The following SLC5A2 variants were observed in gnomAD, a reference collection of about 807,000 sequenced individuals.
The protein encoded by SLC5A2 is sodium/glucose cotransporter 2.
A neutral mutation model predicts 69.0 loss-of-function variants in SLC5A2; 67 were observed. The ratio of observed to expected loss-of-function variants is 0.97; its 90% CI spans 0.80 to 1.19. The LOEUF is 1.19. Ranked by LOEUF, SLC5A2 falls within the 50% of genes most tolerant of loss-of-function variation. SLC5A2 has a pLI of 0.00. For missense variants in SLC5A2, 1,001 were observed against 921.5 expected (o/e 1.09, Z -1.12); for synonymous variants, 455 against 395.8 (o/e 1.15, Z -1.78).
chr16:31,489,126 G>A lies in SLC5A2; in HGVS notation c.1453G>A (p.Ala485Thr). ...GGCTGACCTGTTTCCTTCGCAGGGC[G>A]CCTTCTGGGGACTCATCGGGGGCCT... is the stretch of plus-strand genomic sequence containing the variant. ...LFVPRVNEQG[A>T]FWGLIGGLLM... Residue 485 changes from alanine (A) to threonine (T), a missense_variant, in exon 12 of 14, where the codon GCC becomes ACC. Coordinates refer to ENST00000330498, the MANE Select transcript of SLC5A2 (RefSeq NM_003041.4). 1 of 1,608,076 alleles carries A rather than the reference G, an allele frequency of 6.2e-7. No homozygotes were observed. The highest frequency in any genetic ancestry group is 8.5e-7 in the Non-Finnish European group (1 of 1,179,964).
chr16:31,489,555 A>G (rs2082541085), intron 12 of SLC5A2: 1 of 604,014 alleles, frequency 1.7e-6, no homozygotes, highest in African/African-American at 1.8e-5. Flanking sequence ...TTGGTGATTA[A>G]AGCCTCCCAA....
chr16:31,484,780 G>T lies in SLC5A2; in HGVS notation c.198+36G>T, dbSNP rs533867632. The T allele has an allele frequency of 5.0e-6, 8 of 1,611,402 alleles. No individual in the cohort carries two copies. The South Asian group carries it at 7.7e-5, about 15-fold the overall frequency. On this transcript the variant is annotated intron_variant, in intron 2 of 13. Transcript: ENST00000330498. ...CTGGGCCGGGAACGGGAGGGGCCTG[G>T]AGAAGCAGCCCTGCTCACTCCCTCC...
In SLC5A2 at chr16:31,486,222, T is replaced by C. The variant is rs1024798618; in HGVS notation, c.521T>C (p.Ile174Thr). Residue 174 changes from isoleucine (I) to threonine (T), a missense_variant, in exon 5 of 14, where the codon ATC becomes ACC. Physicochemically the swap from Ile to Thr is moderately conservative, Grantham distance 89. Coordinates refer to ENST00000330498, the MANE Select transcript of SLC5A2 (RefSeq NM_003041.4). ...ATCCAGCAGGCTCTGGGCTGGAACA[T>C]CTATGCCTCCGTCATCGCGCTTCTG... ...VFIQQALGWN[I>T]YASVIALLGI... 1 of 1,613,898 alleles carries C rather than the reference T, an allele frequency of 6.2e-7. No individual in the cohort carries two copies. The highest frequency in any genetic ancestry group is 8.5e-7 in the Non-Finnish European group (1 of 1,179,988).
chr16:31,489,885 G>T, intron 12 of SLC5A2: 1 of 599,648 alleles, frequency 1.7e-6, no homozygotes, highest in Admixed American at 2.5e-5. Flanking sequence ...GGGGGAGCAA[G>T]GCCAACGGCT....
In SLC5A2 at chr16:31,488,862, C is replaced by T. The variant is rs372262405; in HGVS notation, c.1281-18C>T. 2.1e-5 allele frequency: 34 copies of T among 1,603,674 alleles called. No homozygotes were observed. The African/African-American group carries it at 4.0e-4, about 19-fold the overall frequency. On this transcript the variant is annotated intron_variant, in intron 10 of 13. Transcript: ENST00000330498. ...GGGAGCCCAGGGTCCGGGTTCGATCCGACGGCCTCCGCCGCAGGCTCTGGG... is the reference window on the plus strand; with the variant it reads ...GGGAGCCCAGGGTCCGGGTTCGATCTGACGGCCTCCGCCGCAGGCTCTGGG...
chr16:31,483,862 C>T (rs2142613964), intron 1 of SLC5A2, among the ~76,000 whole-genome samples: 1 of 151,548 alleles, frequency 6.6e-6, no homozygotes, highest in Middle Eastern at 3.4e-3. Context: ...GCTGGGATTA[C>T]AGATGTGAGC....
At chr16:31,484,227 TACACACACAC>T (rs537221545) in intron 1 of SLC5A2, among the ~76,000 whole-genome samples, 7 of 139,748 alleles carry the variant, frequency 5.0e-5, no homozygotes, top group African/African-American at 1.4e-4. Flanking sequence ...TCTACTAAAA[TACACACACAC>T]ACACACACAC....
Position 31,488,419 on chromosome 16 carries a change from G to T in SLC5A2, c.1058G>T (p.Arg353Leu). ...TGCGTGGTGCCTGAGGTGTGCAGGC[G>T]CGTGTGCGGCACGGAGGTGGGCTGC... ...VACVVPEVCR[R>L]VCGTEVGCSN... is the part of the protein sequence containing the mutation. Residue 353 changes from arginine (R) to leucine (L), a missense_variant, in exon 9 of 14, where the codon CGC becomes CTC. Coordinates refer to ENST00000330498, the MANE Select transcript of SLC5A2 (RefSeq NM_003041.4). The T allele has an allele frequency of 6.2e-7, 1 of 1,611,750 alleles. No homozygotes were observed. Among genetic ancestry groups the T allele is most frequent in the Non-Finnish European group, 8.5e-7 (1 of 1,179,766 alleles).
intron 3 of SLC5A2, 144 bp from the exon 4 acceptor site, chr16:31,485,585 C>T (rs555591332): frequency 2.9e-5 from 28 of 964,582 alleles, no homozygotes; most frequent in Middle Eastern, 3.2e-4. Flanking sequence ...CCCAGGGCCC[C>T]GGGGCCATCA....
rs1401448646 is a variant in SLC5A2 at position 31,484,934 on chromosome 16, C to CT, written c.303+17dup. Reference sequence around the variant, plus strand: ...GGATTCGAGTGGAATGTGAGGCCCTCTTTTTTCCAATAACCCCACCCTCAG... The same window carrying CT: ...GGATTCGAGTGGAATGTGAGGCCCTCTTTTTTTCCAATAACCCCACCCTCAG... On this transcript the variant is annotated intron_variant, in intron 3 of 13. Coordinates refer to ENST00000330498, the MANE Select transcript of SLC5A2 (RefSeq NM_003041.4). 5.0e-6 allele frequency: 8 copies of CT among 1,611,380 alleles called. No homozygotes were observed. The highest frequency in any genetic ancestry group is 6.8e-6 in the Non-Finnish European group (8 of 1,177,860).
At chr16:31,488,350 C>T in intron 8 of SLC5A2, 33 bp from the exon 9 acceptor site, 4 of 1,607,538 alleles carry the variant, frequency 2.5e-6, no homozygotes, top group Middle Eastern at 1.7e-4. Context: ...GACCAGGCCC[C>T]GTCCTAACGG....
In SLC5A2 at chr16:31,490,233, A is replaced by G; in HGVS notation, c.1792+3A>G. 1 of 1,614,140 alleles carries G rather than the reference A, an allele frequency of 6.2e-7. No homozygotes were observed. The highest frequency in any genetic ancestry group is 8.5e-7 in the Non-Finnish European group (1 of 1,180,004). Reference sequence around the variant, plus strand: ...AGAGAGTGCCATGGAGATGAATGGTAGGGCACCATGCTGGGAGGTGGGGCT... The same window carrying G: ...AGAGAGTGCCATGGAGATGAATGGTGGGGCACCATGCTGGGAGGTGGGGCT... On this transcript the variant is annotated splice_donor_region_variant and intron_variant, in intron 13 of 13. Transcript: ENST00000330498.
In SLC5A2 at chr16:31,489,276, T is replaced by G. The variant is rs199521654; in HGVS notation, c.1603T>G (p.Phe535Val). 6.5e-5 allele frequency: 104 copies of G among 1,610,930 alleles called. No individual in the cohort carries two copies. Among genetic ancestry groups the G allele is most frequent in the Non-Finnish European group, 8.3e-5 (98 of 1,180,044 alleles). ...CCTCTACTTCGCCATTGTGCTGTTC[T>G]TCTGCTCTGGCCTCCTCACCCTCAC... ...HYLYFAIVLF[F>V]CSGLLTLTVS... is the part of the protein sequence containing the mutation. Residue 535 changes from phenylalanine (F) to valine (V), a missense_variant, in exon 12 of 14, where the codon TTC becomes GTC. Phe to Val is a conservative substitution (Grantham distance 50). Coordinates refer to ENST00000330498, the MANE Select transcript of SLC5A2 (RefSeq NM_003041.4).
chr16:31,488,318 T>A, intron 8 of SLC5A2, 65 bp from the exon 9 acceptor site: 1 of 1,594,466 alleles, frequency 6.3e-7, no homozygotes, highest in Middle Eastern at 1.7e-4. Context: ...GGATTCCCAG[T>A]CCCCACCTCC....
chr16:31,483,432 C>T (rs74015544), intron 1 of SLC5A2, among the ~76,000 whole-genome samples, 170 bp downstream of exon 1: 2,031 of 152,260 alleles, frequency 0.013, 43 homozygotes, highest in African/African-American at 0.046. Context: ...GCCAACATTC[C>T]TCCCTTGTCT....
intron 5 of SLC5A2, 31 bp from the exon 6 acceptor site, chr16:31,487,289 T>C: frequency 6.2e-7 from 1 of 1,610,012 alleles, no homozygotes; most frequent in Non-Finnish European, 8.5e-7. Flanking sequence ...CATAAACAGC[T>C]GGGCTGTCCC....
At chr16:31,486,786 C>T (rs2082499143) in intron 5 of SLC5A2, among the ~76,000 whole-genome samples, 2 of 152,182 alleles carry the variant, frequency 1.3e-5, no homozygotes, top group Non-Finnish European at 2.9e-5. Context: ...GCGGCTCACG[C>T]CTGTAATCCC....
In SLC5A2 at chr16:31,487,579, A is replaced by G; in HGVS notation, c.705A>G (p.Gly235=). ...CGGGTCTCTTCGACAAATACCTGGG[A>G]GCAGCGACTTCGCTGACGGTGTCCG... ...GYSGLFDKYL[G]AATSLTVSED... is the part of the protein sequence containing the mutation. The change falls in exon 7 of 14, where the codon GGA becomes GGG. Residue 235 remains glycine, a synonymous_variant. Coordinates refer to ENST00000330498, the MANE Select transcript of SLC5A2 (RefSeq NM_003041.4). 1 of 1,613,908 alleles carries G rather than the reference A, an allele frequency of 6.2e-7. No individual in the cohort carries two copies. Among genetic ancestry groups the G allele is most frequent in the Non-Finnish European group, 8.5e-7 (1 of 1,179,986 alleles).
chr16:31,487,278 A>T, intron 5 of SLC5A2, 42 bp from the exon 6 acceptor site: 1 of 1,596,168 alleles, frequency 6.3e-7, no homozygotes, highest in Non-Finnish European at 8.6e-7. Flanking sequence ...CCAGCCTGTA[A>T]CATAAACAGC....
Sources: gnomAD v4.1 joint callset for allele counts (sites outside exome capture counted in the v4.1 genomes callset) on GRCh38, gnomAD v4.1.1 for gene constraint, MANE v1.5 for transcripts, NCBI Gene and HGNC (gene_info 2026-07-23, HGNC 2026-07-21) for gene names.